Variants in USP18 observed in about 807,000 individuals in gnomAD.
USP18 encodes ubl carboxyl-terminal hydrolase 18.
In USP18, 11 loss-of-function variants were observed where a neutral mutation model predicts 48.7. The observed-to-expected ratio is 0.23, with a 90% CI of 0.14 to 0.37. The LOEUF is 0.37. Ranked by LOEUF, USP18 falls within the 10% of genes least tolerant of loss-of-function variation. USP18 has a pLI of 1.00. For missense variants in USP18, 285 were observed against 436.4 expected (o/e 0.65, Z 3.09); for synonymous variants, 114 against 163.2 (o/e 0.70, Z 2.30).
intron 5 of USP18, among the ~76,000 whole-genome samples, chr22:18,167,652 C>G (rs1366498605): frequency 2.1e-5 from 3 of 145,130 alleles, no homozygotes; most frequent in Non-Finnish European, 3.0e-5. Context: ...GAGCCGAGAT[C>G]GCGCCACTGC....
intron 8 of USP18, among the ~76,000 whole-genome samples, chr22:18,172,815 G>A (rs1929670475): frequency 6.6e-6 from 1 of 150,630 alleles, no homozygotes; most frequent in Non-Finnish European, 1.5e-5. Flanking sequence ...GCTCAGGTTA[G>A]GGTCATTCCT....
At chr22:18,155,584 G>A (rs1188362500) in intron 1 of USP18, among the ~76,000 whole-genome samples, 4 of 152,198 alleles carry the variant, frequency 2.6e-5, no homozygotes, top group Admixed American at 6.5e-5. Context: ...CGCGAGTTCC[G>A]AGTGGGCGTG....
intron 10 of USP18, among the ~76,000 whole-genome samples, chr22:18,174,703 C>G (rs555579810): frequency 6.6e-6 from 1 of 152,198 alleles, no homozygotes; most frequent in East Asian, 1.9e-4. Flanking sequence ...ATCCTCCCAC[C>G]TCAGCCTCCT....
rs572275065 is a variant in USP18, at chr22:18,169,770, G to T, written c.628-74G>T. The T allele has an allele frequency of 4.6e-5, 70 of 1,516,250 alleles. No homozygotes were observed. The South Asian group carries it at 8.0e-4, about 17-fold the overall frequency. The allele number at this position is 1,516,250 out of a possible 1,614,324, so 93.9% of individuals were successfully genotyped here. Reference sequence around the variant, plus strand: ...CTCAGCTATTGTCTCACAGCAGTGTGAGAACAGATGAATATAGTATTCTAG... The same window carrying T: ...CTCAGCTATTGTCTCACAGCAGTGTTAGAACAGATGAATATAGTATTCTAG... On this transcript the variant is annotated intron_variant, in intron 6 of 10. Coordinates refer to ENST00000215794, the MANE Select transcript of USP18 (RefSeq NM_017414.4).
intron 1 of USP18, among the ~76,000 whole-genome samples, chr22:18,155,748 G>A (rs1338342155): frequency 4.6e-5 from 7 of 152,234 alleles, no homozygotes; most frequent in African/African-American, 1.2e-4. Context: ...CCTGTAGCCC[G>A]CCATGCCTGA....
chr22:18,159,899 GA>G lies in USP18; in HGVS notation c.158-272del, dbSNP rs375701470. On this transcript the variant is annotated intron_variant, in intron 2 of 10. Transcript: ENST00000215794. ...TCACCGTGTTAGCCAGGATGGTCTC[GA>G]TCTCCTGACCTCGTGATCTGCCCGC... is the stretch of plus-strand genomic sequence containing the variant. Among the ~76,000 whole-genome samples, 100 of 152,050 alleles carry G rather than the reference GA, an allele frequency of 6.6e-4. 4 individuals are homozygous for G. In the East Asian group the frequency reaches 0.018, roughly 28 times the overall value.
intron 1 of USP18, among the ~76,000 whole-genome samples, chr22:18,155,816 C>T (rs1248632476): frequency 1.3e-5 from 2 of 152,368 alleles, no homozygotes; most frequent in East Asian, 1.9e-4. Context: ...CGACCAGCGC[C>T]GCTCCCGGCT....
chr22:18,166,291 G>GT (rs1193779310), intron 4 of USP18, among the ~76,000 whole-genome samples: 4 of 151,962 alleles, frequency 2.6e-5, no homozygotes, highest in African/African-American at 9.7e-5. Flanking sequence ...TTCTTTTATA[G>GT]TTTTTTCTTT....
At chr22:18,157,846 C>T (rs750289852) in intron 2 of USP18, 26 bp downstream of exon 2, 1 of 1,613,120 alleles carries the variant, frequency 6.2e-7, no homozygotes, top group African/African-American at 1.3e-5. Context: ...CCGTTTTCCT[C>T]TTCTTGACTG....
At chr22:18,158,181 A>G (rs1411791385) in intron 2 of USP18, among the ~76,000 whole-genome samples, 1 of 152,154 alleles carries the variant, frequency 6.6e-6, no homozygotes, top group East Asian at 1.9e-4. Flanking sequence ...CCAGCTACTT[A>G]GGTGGCTGAG....
In USP18 at chr22:18,161,890, C is replaced by T. The variant is rs187908474; in HGVS notation, c.355C>T (p.Arg119Trp). 4.5e-5 allele frequency: 73 copies of T among 1,613,878 alleles called. 1 individual carries two copies. Among genetic ancestry groups the T allele is most frequent in the African/African-American group, 2.3e-4 (17 of 74,888 alleles). The stretch of plus-strand genomic sequence containing the variant: ...GCAGGACAGCCGGCAGAAAGCAGTG[C>T]GGCCCCTGGAGCTGGCCTACTGCCT... ...KMQDSRQKAVRPLELAYCLQK... is the reference protein window; with the variant it reads ...KMQDSRQKAVWPLELAYCLQK... The change falls in exon 4 of 11, where the codon CGG (arginine) becomes TGG (tryptophan). Residue 119 changes from arginine (R) to tryptophan (W), a missense_variant. Arg to Trp is a moderately radical substitution (Grantham distance 101, BLOSUM62 -3). Around this residue, in one of 5 missense-constraint regions of USP18, gnomAD observed 199 missense variants for 239.6 expected, o/e 0.83. Transcript: ENST00000215794.
At chr22:18,169,757 C>A (rs1929575803) in intron 6 of USP18, 87 bp from the exon 7 acceptor site, 21 of 1,458,120 alleles carry the variant, frequency 1.4e-5, no homozygotes, top group Non-Finnish European at 2.0e-5. Context: ...CAGCTATTGT[C>A]TCACAGCAGT....
intron 9 of USP18, among the ~76,000 whole-genome samples, chr22:18,173,543 G>T (rs1704501736): frequency 6.6e-6 from 1 of 152,164 alleles, no homozygotes; most frequent in African/African-American, 2.4e-5. Flanking sequence ...TGTGGGAAAT[G>T]TCTAGAGAGC....
At chr22:18,156,929 C>G (rs1467875278) in intron 1 of USP18, among the ~76,000 whole-genome samples, 1 of 151,002 alleles carries the variant, frequency 6.6e-6, no homozygotes, top group African/African-American at 2.4e-5. Context: ...CAAACAGTGT[C>G]TCTCTTCACA....
intron 3 of USP18, among the ~76,000 whole-genome samples, chr22:18,160,637 C>T (rs546342519): frequency 6.6e-6 from 1 of 152,226 alleles, no homozygotes; most frequent in South Asian, 2.1e-4. Context: ...CAGTTATTCA[C>T]AGTGACTTGG....
At position 18,170,934 on chromosome 22, in the gene USP18, G is replaced by A. The variant is rs778280611; in HGVS notation, c.891+14G>A. On this transcript the variant is annotated intron_variant, in intron 8 of 10. Transcript: ENST00000215794. Reference sequence around the variant, plus strand: ...GCTGAGGAGCAGGTGGGATGATCCCGACCTCCTTGCCATCCTGCCTCTCCC... The same window carrying A: ...GCTGAGGAGCAGGTGGGATGATCCCAACCTCCTTGCCATCCTGCCTCTCCC... 22 of 1,233,746 alleles carry A rather than the reference G, an allele frequency of 1.8e-5. 1 individual carries two copies. Among genetic ancestry groups the A allele is most frequent in the Non-Finnish European group, 2.2e-5 (20 of 908,530 alleles). The allele number at this position is 1,233,746 out of a possible 1,614,324, so 76.4% of individuals were successfully genotyped here.
chr22:18,174,253 G>A (rs1433814094), intron 10 of USP18, among the ~76,000 whole-genome samples: 3 of 147,634 alleles, frequency 2.0e-5, no homozygotes, highest in Admixed American at 1.3e-4. Context: ...TTTTGACGGA[G>A]TCTCGCTCTG....
intron 3 of USP18, among the ~76,000 whole-genome samples, chr22:18,160,788 TGAGA>T (rs1929309740): frequency 7.1e-6 from 1 of 141,340 alleles, no homozygotes; most frequent in African/African-American, 2.7e-5. Flanking sequence ...TTTTTTTTTT[TGAGA>T]TGAAGCCTCA....
chr22:18,176,142 C>T (rs1340189943), intron 10 of USP18, among the ~76,000 whole-genome samples: 24 of 90,686 alleles, frequency 2.6e-4, no homozygotes, highest in African/African-American at 4.8e-4. Flanking sequence ...GTTAGCCGGG[C>T]GTGGTGGCGG....
Sources: allele counts gnomAD v4.1 joint callset (sites outside exome capture counted in the v4.1 genomes callset), GRCh38; gene constraint gnomAD v4.1.1; regional missense constraint gnomAD v4.1.1; transcripts MANE v1.5; gene names NCBI Gene and HGNC (gene_info 2026-07-23, HGNC 2026-07-21).